The following SGMS2 variants were observed in gnomAD, a reference collection of about 807,000 sequenced individuals.
The protein encoded by SGMS2 is phosphatidylcholine:ceramide cholinephosphotransferase 2.
In SGMS2, 21 loss-of-function variants were observed where a neutral mutation model predicts 43.8. The observed-to-expected ratio is 0.48, with a 90% CI of 0.34 to 0.69. The LOEUF (loss-of-function observed/expected upper bound fraction) is 0.69. SGMS2 is among the 30% of genes least tolerant of loss of function. The pLI, the probability that SGMS2 is intolerant of heterozygous loss-of-function variation, is 0.01. For missense variants in SGMS2, 384 were observed against 443.2 expected (o/e 0.87, Z 1.20); for synonymous variants, 167 against 160.6 (o/e 1.04, Z -0.30).
At chr4:107,870,034 A>G (rs772120590) in intron 2 of SGMS2, among the ~76,000 whole-genome samples, 3 of 152,182 alleles carry the variant, frequency 2.0e-5, no homozygotes, top group East Asian at 1.9e-4. Context: ...CCATGATTTT[A>G]TATCTTCTTG....
chr4:107,912,942 T>C lies in SGMS2; in HGVS notation c.*2389T>C, dbSNP rs1226457423. 1 of 151,750 alleles carries C rather than the reference T, an allele frequency of 6.6e-6. No individual in the cohort carries two copies. Among genetic ancestry groups the C allele is most frequent in the Non-Finnish European group, 1.5e-5 (1 of 67,970 alleles). 9.4% of individuals were successfully genotyped at this position (151,750 alleles called of 1,614,324 possible). ...GGGTGGGGGAATCAAAATTTCAAGA[T>C]GGAAAAATAAAACAAATAGTAAAAC... On this transcript the variant is annotated 3_prime_UTR_variant, in exon 7 of 7. Transcript: ENST00000690982.
At chr4:107,905,377 C>A (rs1439175201) in intron 5 of SGMS2, among the ~76,000 whole-genome samples, 1 of 152,174 alleles carries the variant, frequency 6.6e-6, no homozygotes, top group Non-Finnish European at 1.5e-5. Flanking sequence ...CACCAGGTCC[C>A]TCCCACAGCA....
intron 2 of SGMS2, among the ~76,000 whole-genome samples, chr4:107,874,316 ACTTTG>A (rs1430730236): frequency 2.6e-5 from 4 of 152,136 alleles, no homozygotes; most frequent in Non-Finnish European, 5.9e-5. Context: ...TTTATTAGAA[ACTTTG>A]CTTTGCAACT....
chr4:107,853,277 T>G (rs1470827919), intron 1 of SGMS2, among the ~76,000 whole-genome samples: 1 of 152,220 alleles, frequency 6.6e-6, no homozygotes, highest in African/African-American at 2.4e-5. Context: ...AAAGTCCTGT[T>G]TCTTGGATAT....
chr4:107,835,149 G>C (rs1726101488), intron 1 of SGMS2, among the ~76,000 whole-genome samples: 1 of 152,116 alleles, frequency 6.6e-6, no homozygotes, highest in African/African-American at 2.4e-5. Flanking sequence ...AATAGCACTA[G>C]TGTAAGAAAT....
intron 1 of SGMS2, among the ~76,000 whole-genome samples, chr4:107,843,476 A>C (rs1383453402): frequency 1.3e-5 from 2 of 152,192 alleles, no homozygotes; most frequent in East Asian, 3.9e-4. Context: ...GTGTGGTGTC[A>C]GCTGTGAATT....
intron 1 of SGMS2, among the ~76,000 whole-genome samples, chr4:107,853,962 C>G (rs1727289033): frequency 1.3e-5 from 2 of 152,190 alleles, no homozygotes; most frequent in African/African-American, 2.4e-5. Context: ...TTGCAGAATG[C>G]TACATTTAGT....
intron 2 of SGMS2, among the ~76,000 whole-genome samples, chr4:107,882,763 C>G (rs934097386): frequency 6.6e-6 from 1 of 151,982 alleles, no homozygotes; most frequent in Non-Finnish European, 1.5e-5. Context: ...TTTTTAAGGT[C>G]TAAGAAAGCT....
intron 3 of SGMS2, among the ~76,000 whole-genome samples, 182 bp from the exon 4 acceptor site, chr4:107,899,393 C>T (rs1730935093): frequency 6.6e-6 from 1 of 152,132 alleles, no homozygotes; most frequent in African/African-American, 2.4e-5. Context: ...GCAAATCTCT[C>T]CATGAAACTG....
intron 1 of SGMS2, among the ~76,000 whole-genome samples, chr4:107,826,314 G>A (rs1725586696): frequency 6.6e-6 from 1 of 152,226 alleles, no homozygotes; most frequent in African/African-American, 2.4e-5. Flanking sequence ...CTCCTTATAA[G>A]CCTGGTGGGC....
chr4:107,881,275 C>A (rs554973446), intron 2 of SGMS2, among the ~76,000 whole-genome samples: 1 of 151,946 alleles, frequency 6.6e-6, no homozygotes, highest in South Asian at 2.1e-4. Flanking sequence ...AAAAAAAGTT[C>A]ATAATTGATT....
At chr4:107,830,982 A>G (rs954313482) in intron 1 of SGMS2, among the ~76,000 whole-genome samples, 5 of 152,226 alleles carry the variant, frequency 3.3e-5, no homozygotes, top group Non-Finnish European at 5.9e-5. Flanking sequence ...TGAAGATTAA[A>G]TGAACTGCTA....
intron 2 of SGMS2, among the ~76,000 whole-genome samples, chr4:107,860,581 G>T (rs774495908): frequency 6.6e-6 from 1 of 151,434 alleles, no homozygotes; most frequent in Non-Finnish European, 1.5e-5. Context: ...GAGTGCAATG[G>T]TGCGATCTCG....
At chr4:107,853,506 A>G (rs908397531) in intron 1 of SGMS2, among the ~76,000 whole-genome samples, 1 of 152,132 alleles carries the variant, frequency 6.6e-6, no homozygotes, top group African/African-American at 2.4e-5. Context: ...CTGCTTCTGT[A>G]AGTTCAAACT....
rs552980388 is a variant in SGMS2 at position 107,888,687 on chromosome 4, A to C, written c.-244-6623A>C. Among the ~76,000 whole-genome samples, 69 of 152,222 alleles carry C rather than the reference A, an allele frequency of 4.5e-4. 1 individual carries two copies. Among genetic ancestry groups the C allele is most frequent in the African/African-American group, 1.5e-3 (63 of 41,548 alleles). On this transcript the variant is annotated intron_variant, in intron 2 of 6. Coordinates refer to ENST00000690982, the MANE Select transcript of SGMS2 (RefSeq NM_001375905.1). Reference sequence around the variant, plus strand: ...ACCTGGTTTTATACATAACCTTTAAATAAGCTTTGAATTAGACAAAAATTG... The same window carrying C: ...ACCTGGTTTTATACATAACCTTTAACTAAGCTTTGAATTAGACAAAAATTG...
chr4:107,832,540 T>A (rs1437122795), intron 1 of SGMS2, among the ~76,000 whole-genome samples: 60 of 152,246 alleles, frequency 3.9e-4, no homozygotes, highest in Admixed American at 3.7e-3. Context: ...GCAGGCAGCT[T>A]GACTGCAGAG....
intron 2 of SGMS2, among the ~76,000 whole-genome samples, chr4:107,876,622 G>A (rs1014286945): frequency 6.6e-5 from 10 of 152,190 alleles, no homozygotes; most frequent in African/African-American, 1.9e-4. Context: ...GTGGTAGAGG[G>A]AGCAATCAAT....
chr4:107,832,233 T>C (rs560582254), intron 1 of SGMS2, among the ~76,000 whole-genome samples: 65 of 152,358 alleles, frequency 4.3e-4, no homozygotes, highest in African/African-American at 1.5e-3. Flanking sequence ...ATGAATGTCA[T>C]TGAATATATT....
chr4:107,880,017 C>T (rs191992041), intron 2 of SGMS2, among the ~76,000 whole-genome samples: 99 of 152,262 alleles, frequency 6.5e-4, no homozygotes, highest in African/African-American at 2.4e-3. Context: ...CGTATAAAAA[C>T]TGGATATAGA....
Sources: gnomAD v4.1 joint callset for allele counts (sites outside exome capture counted in the v4.1 genomes callset) on GRCh38, gnomAD v4.1.1 for gene constraint, MANE v1.5 for transcripts, NCBI Gene and HGNC (gene_info 2026-07-23, HGNC 2026-07-21) for gene names.